The following EXT2 variants were observed in gnomAD, a reference collection of about 807,000 sequenced individuals.
EXT2 encodes exostosin glycosyltransferase 2, also known as exostosin-2.
In EXT2, 53 loss-of-function variants were observed where a neutral mutation model predicts 81.6. The observed-to-expected ratio is 0.65, with a 90% CI of 0.52 to 0.82. The LOEUF (loss-of-function observed/expected upper bound fraction) is 0.82. Ranked by LOEUF, EXT2 falls within the 40% of genes least tolerant of loss-of-function variation. EXT2 has a pLI of 0.00. For synonymous variants in EXT2, 320 were observed against 340.0 expected, an observed-to-expected ratio of 0.94 and a Z score of 0.65; for missense variants, 774 against 910.2, an observed-to-expected ratio of 0.85 and a Z score of 1.93.
rs547638436 is a variant in EXT2 at position 44,111,607 on chromosome 11, C to T, written c.626+2324C>T. Among the ~76,000 whole-genome samples, 20 of 152,306 alleles carry T rather than the reference C, an allele frequency of 1.3e-4. No homozygotes were observed. In the South Asian group the frequency reaches 4.1e-3, roughly 32 times the overall value. On this transcript the variant is annotated intron_variant, in intron 3 of 13. Transcript: ENST00000533608. Reference sequence around the variant, plus strand: ...TGCAAATATCTCTCACACATTTCTACTTTTATGTGGGTGTTTATTTATTTA... The same window carrying T: ...TGCAAATATCTCTCACACATTTCTATTTTTATGTGGGTGTTTATTTATTTA...
chr11:44,170,838 A>AGT (rs1955061957), intron 7 of EXT2, among the ~76,000 whole-genome samples: 1 of 151,736 alleles, frequency 6.6e-6, no homozygotes, highest in African/African-American at 2.4e-5. Context: ...ACACACACAC[A>AGT]CACACACACA....
intron 6 of EXT2, among the ~76,000 whole-genome samples, chr11:44,128,925 C>G (rs769301293): frequency 1.3e-5 from 2 of 152,174 alleles, no homozygotes; most frequent in Non-Finnish European, 2.9e-5. Flanking sequence ...GTGAGTGGAG[C>G]CAGGCACACT....
At chr11:44,188,065 A>C (rs1018035995) in intron 8 of EXT2, among the ~76,000 whole-genome samples, 1 of 152,252 alleles carries the variant, frequency 6.6e-6, no homozygotes, top group African/African-American at 2.4e-5. Flanking sequence ...TAGATATGCT[A>C]AGTGACCTCC....
chr11:44,159,315 T>G (rs1476045453), intron 7 of EXT2, among the ~76,000 whole-genome samples: 1 of 152,044 alleles, frequency 6.6e-6, no homozygotes, highest in East Asian at 1.9e-4. Context: ...TGTTCTACAG[T>G]TGTTGGAGAT....
At chr11:44,183,209 A>G (rs1429066685) in intron 8 of EXT2, among the ~76,000 whole-genome samples, 1 of 152,188 alleles carries the variant, frequency 6.6e-6, no homozygotes, top group African/African-American at 2.4e-5. Context: ...AGTTTCTCCA[A>G]TGTCATGCCA....
At chr11:44,130,178 C>T (rs370785570) in intron 7 of EXT2, 40 bp downstream of exon 7, 103 of 1,522,720 alleles carry the variant, frequency 6.8e-5, no homozygotes, top group African/African-American at 1.2e-4. Flanking sequence ...TGGGTGGTAC[C>T]GAAATGGTGG....
At chr11:44,101,656 G>T (rs1489729258) in intron 1 of EXT2, among the ~76,000 whole-genome samples, 1 of 152,202 alleles carries the variant, frequency 6.6e-6, no homozygotes, top group Non-Finnish European at 1.5e-5. Context: ...GAGGGGACCT[G>T]CATCTTTGAG....
intron 7 of EXT2, among the ~76,000 whole-genome samples, chr11:44,164,351 G>A (rs575751812): frequency 6.6e-6 from 1 of 152,128 alleles, no homozygotes; most frequent in East Asian, 1.9e-4. Context: ...AGGTTCTGTT[G>A]ACAGCTTTAT....
At chr11:44,234,465 G>A (rs1464305049) in intron 12 of EXT2, among the ~76,000 whole-genome samples, 1 of 152,066 alleles carries the variant, frequency 6.6e-6, no homozygotes, top group East Asian at 1.9e-4. Context: ...TTTAGTTGCA[G>A]TTTTTAACCT....
At chr11:44,119,152 A>ATG (rs1954273716) in intron 4 of EXT2, among the ~76,000 whole-genome samples, 5 of 55,634 alleles carry the variant, frequency 9.0e-5, no homozygotes, top group Admixed American at 4.1e-4. Flanking sequence ...ATATATATAT[A>ATG]TATATATATA....
chr11:44,158,413 C>T (rs890964116), intron 7 of EXT2, among the ~76,000 whole-genome samples: 4 of 152,100 alleles, frequency 2.6e-5, no homozygotes, highest in Admixed American at 2.0e-4. Context: ...AATGGGATGG[C>T]AAAGCCTGGA....
At chr11:44,117,500 TG>T (rs1954239478) in intron 4 of EXT2, among the ~76,000 whole-genome samples, 1 of 152,174 alleles carries the variant, frequency 6.6e-6, no homozygotes, top group South Asian at 2.1e-4. Flanking sequence ...TGGTATAAGG[TG>T]GGGGTCCAAC....
intron 1 of EXT2, among the ~76,000 whole-genome samples, chr11:44,097,130 G>T (rs879789359): frequency 2.6e-5 from 4 of 152,150 alleles, no homozygotes; most frequent in Non-Finnish European, 5.9e-5. Flanking sequence ...TAAAATGAGG[G>T]TAATAATAGC....
At chr11:44,172,478 G>A (rs920056634) in intron 8 of EXT2, among the ~76,000 whole-genome samples, 5 of 152,178 alleles carry the variant, frequency 3.3e-5, no homozygotes, top group South Asian at 2.1e-4. Flanking sequence ...GCTCACAGAC[G>A]TCAAGGCATT....
intron 8 of EXT2, among the ~76,000 whole-genome samples, chr11:44,196,746 C>T (rs1228786890): frequency 6.6e-6 from 1 of 152,182 alleles, no homozygotes; most frequent in East Asian, 1.9e-4. Flanking sequence ...ATCTTATCTG[C>T]CAGTGGCTAC....
intron 4 of EXT2, among the ~76,000 whole-genome samples, chr11:44,120,900 A>G (rs910532239): frequency 6.6e-6 from 1 of 152,236 alleles, no homozygotes; most frequent in Non-Finnish European, 1.5e-5. Context: ...TTAAACTTAG[A>G]TATCAGCACT....
Position 44,124,958 on chromosome 11 carries a change from G to C in EXT2, c.913G>C (p.Val305Leu), listed in dbSNP as rs1227246529. 8.1e-6 allele frequency: 13 copies of C among 1,613,122 alleles called. No individual in the cohort carries two copies. Among genetic ancestry groups the C allele is most frequent in the Non-Finnish European group, 1.0e-5 (12 of 1,180,020 alleles). Reference sequence around the variant, plus strand: ...CCGTAAGCGCTGCCACAAGCACCAGGTCTTCGATTACCCACAGGTGCTACA... The same window carrying C: ...CCGTAAGCGCTGCCACAAGCACCAGCTCTTCGATTACCCACAGGTGCTACA... ...SVRKRCHKHQ[V>L]FDYPQVLQEA... The change falls in exon 5 of 14, where the codon GTC (valine) becomes CTC (leucine). Residue 305 changes from valine to leucine, a missense_variant. Val to Leu is a conservative substitution (Grantham distance 32). Coordinates refer to ENST00000533608, the MANE Select transcript of EXT2 (RefSeq NM_207122.2).
chr11:44,167,279 A>G (rs942491022), intron 7 of EXT2, among the ~76,000 whole-genome samples: 1 of 152,240 alleles, frequency 6.6e-6, no homozygotes, highest in Non-Finnish European at 1.5e-5. Flanking sequence ...CTCCTAAGGT[A>G]CACATGATCA....
At chr11:44,233,185 A>G (rs534221302) in intron 11 of EXT2, among the ~76,000 whole-genome samples, 1 of 152,224 alleles carries the variant, frequency 6.6e-6, no homozygotes, top group South Asian at 2.1e-4. Context: ...CTAAGCATAT[A>G]TATGTTGTGT....
Sources: allele counts gnomAD v4.1 joint callset (sites outside exome capture counted in the v4.1 genomes callset), GRCh38; gene constraint gnomAD v4.1.1; transcripts MANE v1.5; gene names NCBI Gene and HGNC (gene_info 2026-07-23, HGNC 2026-07-21).